RANBP2: variants seen among roughly 807,000 people sequenced by gnomAD.
RANBP2 encodes the protein RAN binding protein 2.
RANBP2 carries 57 observed loss-of-function variants against 303.6 expected under a neutral mutation model. The ratio of observed to expected loss-of-function variants is 0.19; its 90% CI spans 0.15 to 0.23. The LOEUF (loss-of-function observed/expected upper bound fraction) is 0.23, where lower values mean the gene tolerates loss of function less well. Among genes scored for constraint, RANBP2 ranks in the 10% least tolerant of loss-of-function variants. RANBP2 has a pLI of 1.00. For missense variants in RANBP2, 3,138 were observed against 3,780.8 expected (o/e 0.83, Z 4.46); for synonymous variants, 1,167 against 1,301.5 (o/e 0.90, Z 2.23).
the RANBP2 span, among the ~76,000 whole-genome samples, chr2:109,142,967 G>A: frequency 2.9e-4 from 44 of 152,128 alleles, no homozygotes; most frequent in Admixed American, 7.2e-4. Context: ...AGTGCCGGGG[G>A]CTTGGGGCTG....
the RANBP2 span, among the ~76,000 whole-genome samples, chr2:109,031,135 C>G: frequency 6.6e-6 from 1 of 152,116 alleles, no homozygotes; most frequent in African/African-American, 2.4e-5. Context: ...GTCCCTAAGT[C>G]CATTCCTGCT....
At chr2:108,747,169 G>C (rs3954205) in intron 8 of RANBP2, among the ~76,000 whole-genome samples, 154 of 151,838 alleles carry the variant, frequency 1.0e-3, no homozygotes, top group African/African-American at 3.5e-3. Flanking sequence ...AGAAGATACG[G>C]ATCTGTCTTA....
chr2:108,815,595 A>T, the RANBP2 span, among the ~76,000 whole-genome samples: 1 of 149,574 alleles, frequency 6.7e-6, no homozygotes, highest in South Asian at 2.1e-4. Flanking sequence ...CCTTCCGAGT[A>T]GCTGGGATTA....
chr2:109,042,399 A>C, the RANBP2 span, among the ~76,000 whole-genome samples: 2 of 152,010 alleles, frequency 1.3e-5, no homozygotes, highest in East Asian at 3.9e-4. Context: ...GAATGTGTGG[A>C]TTGACATCTT....
At chr2:109,439,500 A>C in the RANBP2 span, among the ~76,000 whole-genome samples, 98 of 152,112 alleles carry the variant, frequency 6.4e-4, no homozygotes, top group East Asian at 0.013. Flanking sequence ...GCAGACCCCA[A>C]CCCCGATGGG....
At chr2:108,780,349 C>T (rs1187796591) in intron 25 of RANBP2, among the ~76,000 whole-genome samples, 8 of 145,582 alleles carry the variant, frequency 5.5e-5, no homozygotes, top group Non-Finnish European at 1.1e-4. Context: ...CCCGCCACCA[C>T]GCCCGGCTAA....
At position 108,753,212 on chromosome 2, in the gene RANBP2, A is replaced by C. The variant is rs187877431; in HGVS notation, c.1917+53A>C. On this transcript the variant is annotated intron_variant, in intron 13 of 28. Coordinates refer to ENST00000283195, the MANE Select transcript of RANBP2 (RefSeq NM_006267.5). ...GGAGATGGGAATTTCCAGTTTATAA[A>C]CAAAGACATAGAGCTATACACTGCT... 35 of 1,611,336 alleles carry C rather than the reference A, an allele frequency of 2.2e-5. No homozygotes were observed. The East Asian group carries it at 6.9e-4, about 32-fold the overall frequency.
the RANBP2 span, among the ~76,000 whole-genome samples, chr2:109,562,305 G>A: frequency 9.3e-4 from 141 of 151,182 alleles, no homozygotes; most frequent in Admixed American, 5.7e-3. Flanking sequence ...TCTCTTTCAC[G>A]CCTCCATCTT....
the RANBP2 span, among the ~76,000 whole-genome samples, chr2:109,394,142 G>GA: frequency 6.6e-6 from 1 of 152,234 alleles, no homozygotes; most frequent in East Asian, 1.9e-4. Flanking sequence ...ATGGATGGAA[G>GA]AAACTCTTCA....
chr2:109,560,670 G>T, the RANBP2 span, among the ~76,000 whole-genome samples: 3 of 152,112 alleles, frequency 2.0e-5, no homozygotes, highest in Non-Finnish European at 4.4e-5. Context: ...AAGTCAACAG[G>T]TCCCAAACTG....
chr2:109,404,888 T>A, the RANBP2 span, among the ~76,000 whole-genome samples: 1 of 152,100 alleles, frequency 6.6e-6, no homozygotes, highest in African/African-American at 2.4e-5. Context: ...CACTTGACGC[T>A]GTGGACAGCA....
At chr2:109,152,948 A>G in the RANBP2 span, among the ~76,000 whole-genome samples, 2 of 152,328 alleles carry the variant, frequency 1.3e-5, no homozygotes, top group South Asian at 4.1e-4. Flanking sequence ...CTTCTGGGAA[A>G]GGCAGTACTT....
At chr2:109,346,300 C>T in the RANBP2 span, among the ~76,000 whole-genome samples, 10 of 152,064 alleles carry the variant, frequency 6.6e-5, no homozygotes, top group Non-Finnish European at 1.0e-4. Flanking sequence ...TGTCGTTTGA[C>T]GTTGCTGAAA....
At chr2:109,114,960 C>T in the RANBP2 span, among the ~76,000 whole-genome samples, 4 of 152,136 alleles carry the variant, frequency 2.6e-5, no homozygotes, top group African/African-American at 9.7e-5. Flanking sequence ...AGTTTCTTAA[C>T]CCTGAGTTCT....
At chr2:108,820,712 A>AAACC in the RANBP2 span, among the ~76,000 whole-genome samples, 1 of 22,606 alleles carries the variant, frequency 4.4e-5, no homozygotes, top group East Asian at 3.7e-3. Flanking sequence ...AAAAAAAAAA[A>AAACC]AAACAAACAA....
the RANBP2 span, among the ~76,000 whole-genome samples, chr2:109,310,058 A>G: frequency 8.7e-6 from 1 of 114,656 alleles, no homozygotes; most frequent in South Asian, 2.9e-4. Flanking sequence ...GCACCACACC[A>G]CACCTATTCC....
the RANBP2 span, among the ~76,000 whole-genome samples, chr2:109,716,273 G>C: frequency 6.6e-6 from 1 of 151,594 alleles, no homozygotes; most frequent in Non-Finnish European, 1.5e-5. Context: ...TATTTTTTGA[G>C]ATGGATCTTG....
chr2:109,325,850 G>C, the RANBP2 span, among the ~76,000 whole-genome samples: 1 of 152,194 alleles, frequency 6.6e-6, no homozygotes, highest in African/African-American at 2.4e-5. Flanking sequence ...ACCTCCCTTT[G>C]TTCCAAATCA....
chr2:109,578,001 C>T, the RANBP2 span, among the ~76,000 whole-genome samples: 1 of 150,116 alleles, frequency 6.7e-6, no homozygotes, highest in African/African-American at 2.5e-5. Flanking sequence ...AATTTCATTT[C>T]ATTGTCTATT....
Sources: allele counts gnomAD v4.1 joint callset (sites outside exome capture counted in the v4.1 genomes callset), GRCh38; gene constraint gnomAD v4.1.1; transcripts MANE v1.5; gene names NCBI Gene and HGNC (gene_info 2026-07-23, HGNC 2026-07-21).